The following BRD3 variants were observed in gnomAD, a reference collection of about 807,000 sequenced individuals.
BRD3 encodes bromodomain-containing protein 3.
In BRD3, 17 loss-of-function variants were observed where a neutral mutation model predicts 66.8. That is an observed-to-expected ratio of 0.25 (90% CI 0.17 to 0.38). The LOEUF (loss-of-function observed/expected upper bound fraction) is 0.38. Ranked by LOEUF, BRD3 falls within the 10% of genes least tolerant of loss-of-function variation. BRD3 has a pLI of 1.00. For synonymous variants in BRD3, 421 were observed against 393.2 expected, an observed-to-expected ratio of 1.07 and a Z score of -0.84; for missense variants, 713 against 956.1, an observed-to-expected ratio of 0.75 and a Z score of 3.35.
In BRD3 at chr9:134,032,156, A is replaced by G. The variant is rs1244203915; in HGVS notation, c.*1434T>C. On this transcript the variant is annotated 3_prime_UTR_variant, in exon 12 of 12. Transcript: ENST00000303407. ...GGACATCCCCGTACTCAAAGACCATATGGCAGCCTCTGGGAAAACAAAACC... is the reference window on the plus strand; with the variant it reads ...GGACATCCCCGTACTCAAAGACCATGTGGCAGCCTCTGGGAAAACAAAACC... 2 of 216,310 alleles carry G rather than the reference A, an allele frequency of 9.2e-6. No homozygotes were observed. Among genetic ancestry groups the G allele is most frequent in the African/African-American group, 2.3e-5 (1 of 44,230 alleles). 13.4% of individuals were successfully genotyped at this position (216,310 alleles called of 1,614,324 possible). A position where few individuals can be genotyped will look rare whatever the true frequency, so the allele number is the denominator to read the frequency against.
chr9:134,061,519 G>A (rs1411635268), intron 1 of BRD3, among the ~76,000 whole-genome samples: 1 of 152,216 alleles, frequency 6.6e-6, no homozygotes, highest in East Asian at 1.9e-4. Context: ...GGGTGCTGGA[G>A]GAAGCTAGGG....
chr9:134,036,997 C>T lies in BRD3; in HGVS notation c.1644-673G>A, dbSNP rs576130892. ...CTGCACTCCAGCCTGGGCGACAGAT[C>T]GAGACTCTGCCTCAAGAAAAAGAAA... On this transcript the variant is annotated intron_variant, in intron 9 of 11. Coordinates refer to ENST00000303407, the MANE Select transcript of BRD3 (RefSeq NM_007371.4). Among the ~76,000 whole-genome samples, 37 of 151,630 alleles carry T rather than the reference C, an allele frequency of 2.4e-4. 1 individual carries two copies. Among genetic ancestry groups the T allele is most frequent in the South Asian group, 1.5e-3 (7 of 4,804 alleles).
chr9:134,050,688 G>A, intron 4 of BRD3, 100 bp from the exon 5 acceptor site: 1 of 974,376 alleles, frequency 1.0e-6, no homozygotes, highest in Non-Finnish European at 1.5e-6. Context: ...TACCAGCTCT[G>A]TGCTGCCAAG....
At chr9:134,041,657 A>G in intron 8 of BRD3, 103 bp downstream of exon 8, 2 of 1,344,816 alleles carry the variant, frequency 1.5e-6, no homozygotes, top group Non-Finnish European at 2.0e-6. Context: ...CTGCTGAGGG[A>G]CAGGGGCAGA....
intron 2 of BRD3, 65 bp from the exon 3 acceptor site, chr9:134,052,508 G>A: frequency 1.3e-6 from 2 of 1,544,036 alleles, no homozygotes; most frequent in Non-Finnish European, 1.8e-6. Context: ...CAATTCCCAA[G>A]TGGACACAGC....
In BRD3 at chr9:134,031,991, T is replaced by C; in HGVS notation, c.*1599A>G. Reference sequence around the variant, plus strand: ...TGGGGCCCAGAGACTCCTCCACCCCTGGGGAGGGCAGACAGGCTCGGGAGG... The same window carrying C: ...TGGGGCCCAGAGACTCCTCCACCCCCGGGGAGGGCAGACAGGCTCGGGAGG... On this transcript the variant is annotated 3_prime_UTR_variant, in exon 12 of 12. Coordinates refer to ENST00000303407, the MANE Select transcript of BRD3 (RefSeq NM_007371.4). 4.6e-6 allele frequency: 1 copy of C among 215,916 alleles called. No homozygotes were observed. 13.4% of individuals were successfully genotyped at this position (215,916 alleles called of 1,614,324 possible).
In BRD3 at chr9:134,040,161, TCTC is replaced by T; in HGVS notation, c.1513_1515del (p.Glu505del). On this transcript the variant is annotated inframe_deletion, in exon 9 of 12. Transcript: ENST00000303407. Reference sequence around the variant, plus strand: ...TTCACTTTGTGCTTCTCCTTCTCCTTCTCCTTGTCCTTCTTCTTCTTCTCCTTC... The same window carrying T: ...TTCACTTTGTGCTTCTCCTTCTCCTTCTTGTCCTTCTTCTTCTTCTCCTTC... The T allele has an allele frequency of 6.4e-7, 1 of 1,563,288 alleles. No individual in the cohort carries two copies.
rs767145192 is a variant in BRD3 at position 134,048,158 on chromosome 9, T to C, written c.1011A>G (p.Pro337=). 1 of 1,611,124 alleles carries C rather than the reference T, an allele frequency of 6.2e-7. No individual in the cohort carries two copies. Among genetic ancestry groups the C allele is most frequent in the Admixed American group, 1.7e-5 (1 of 59,838 alleles). The change falls in exon 6 of 12, where the codon CCA becomes CCG. Residue 337 remains proline (P), a synonymous_variant. Transcript: ENST00000303407. ...GCAGCTCCAGGGCCTCGGCATCCAC[T>C]GGCTTGTAGAAGGGCCAGGCGTAGG... ...HAAYAWPFYK[P]VDAEALELHD...
intron 7 of BRD3, among the ~76,000 whole-genome samples, chr9:134,042,731 A>T (rs530149901): frequency 6.7e-6 from 1 of 149,666 alleles, no homozygotes; most frequent in Non-Finnish European, 1.5e-5. Flanking sequence ...ACACATATAT[A>T]TACACACATA....
intron 11 of BRD3, among the ~76,000 whole-genome samples, chr9:134,034,291 C>T (rs1427339089): frequency 5.9e-5 from 9 of 152,246 alleles, no homozygotes; most frequent in Non-Finnish European, 7.3e-5. Context: ...CCTGGCAAAG[C>T]GCAGGGCATG....
intron 5 of BRD3, among the ~76,000 whole-genome samples, chr9:134,049,981 G>A (rs769721339): frequency 1.4e-3 from 215 of 152,266 alleles, no homozygotes; most frequent in Non-Finnish European, 2.6e-3. Context: ...GCCAGCTTGG[G>A]TGCTGGCACC....
intron 10 of BRD3, among the ~76,000 whole-genome samples, chr9:134,035,449 C>G (rs980186046): frequency 6.6e-6 from 1 of 152,214 alleles, no homozygotes; most frequent in African/African-American, 2.4e-5. Context: ...TGCCCTCCCT[C>G]CTACTCTGCC....
intron 7 of BRD3, among the ~76,000 whole-genome samples, chr9:134,042,548 G>A: frequency 6.6e-6 from 1 of 151,982 alleles, no homozygotes; most frequent in East Asian, 1.9e-4. Flanking sequence ...GCGATGGGTG[G>A]ATTGCTTGAA....
intron 1 of BRD3, among the ~76,000 whole-genome samples, chr9:134,059,236 G>A (rs958409463): frequency 2.6e-5 from 4 of 152,202 alleles, no homozygotes; most frequent in Non-Finnish European, 4.4e-5. Flanking sequence ...AGAGGGAAGA[G>A]GGTGCACCTC....
In BRD3 at chr9:134,030,415, CTGTTG is replaced by C. The variant is rs1259134192; in HGVS notation, c.*3170_*3174del. 1 of 144,686 alleles carries C rather than the reference CTGTTG, an allele frequency of 6.9e-6. No homozygotes were observed. Among genetic ancestry groups the C allele is most frequent in the African/African-American group, 2.9e-5 (1 of 34,362 alleles). 9.0% of individuals were successfully genotyped at this position (144,686 alleles called of 1,614,324 possible). On this transcript the variant is annotated 3_prime_UTR_variant, in exon 12 of 12. Transcript: ENST00000303407. ...AAGAGTACTTTCTACCATTTTTATTCTGTTGTGTTGAGGCCAGCATTGCAATAAAC... is the reference window on the plus strand; with the variant it reads ...AAGAGTACTTTCTACCATTTTTATTCTGTTGAGGCCAGCATTGCAATAAAC...
At position 134,050,569 on chromosome 9, in the gene BRD3, GGCC is replaced by G. The variant is rs1830270791; in HGVS notation, c.516_518del (p.Ala173del). The G allele has an allele frequency of 1.2e-6, 2 of 1,606,742 alleles. No individual in the cohort carries two copies. The highest frequency in any genetic ancestry group is 1.7e-6 in the Non-Finnish European group (2 of 1,178,222). On this transcript the variant is annotated inframe_deletion, in exon 5 of 12. Transcript: ENST00000303407. ...GGGTCGCTGGGGAGACAGAGGACACGGCCGCCACTTGCTGTGTACCTTCAAGAC... is the reference window on the plus strand; with the variant it reads ...GGGTCGCTGGGGAGACAGAGGACACGGCCACTTGCTGTGTACCTTCAAGAC...
intron 9 of BRD3, among the ~76,000 whole-genome samples, chr9:134,036,897 G>C (rs2132384205): frequency 6.6e-6 from 1 of 152,256 alleles, no homozygotes; most frequent in South Asian, 2.1e-4. Flanking sequence ...TGTAGTCCCA[G>C]CTATGCGGGA....
intron 1 of BRD3, among the ~76,000 whole-genome samples, chr9:134,061,729 G>A (rs968194572): frequency 2.0e-5 from 3 of 152,186 alleles, no homozygotes; most frequent in African/African-American, 7.2e-5. Flanking sequence ...AGAGGTGAAG[G>A]GGCACAACGT....
At chr9:134,065,175 A>G (rs991386349) in intron 1 of BRD3, among the ~76,000 whole-genome samples, 2 of 152,224 alleles carry the variant, frequency 1.3e-5, no homozygotes, top group African/African-American at 2.4e-5. Flanking sequence ...CTGTAATCCC[A>G]GCACTTTGGG....
Sources: allele counts gnomAD v4.1 joint callset (sites outside exome capture counted in the v4.1 genomes callset), GRCh38; gene constraint gnomAD v4.1.1; transcripts MANE v1.5; gene names NCBI Gene and HGNC (gene_info 2026-07-23, HGNC 2026-07-21).